Variants in CELF1 observed in about 807,000 individuals in gnomAD.
CELF1 encodes the protein CUGBP Elav-like family member 1, also known as 50 kDa nuclear polyadenylated RNA-binding protein.
Under a neutral mutation model 61.8 loss-of-function variants are expected in CELF1, and 10 were observed. The ratio of observed to expected loss-of-function variants is 0.16; its 90% CI spans 0.10 to 0.27. CELF1 has a LOEUF of 0.27. Among genes scored for constraint, CELF1 ranks in the 10% least tolerant of loss-of-function variants. CELF1 has a pLI of 1.00. For missense variants in CELF1, 380 were observed against 639.1 expected (o/e 0.59, Z 4.37); for synonymous variants, 236 against 225.1 (o/e 1.05, Z -0.43).
intron 2 of CELF1, among the ~76,000 whole-genome samples, chr11:47,560,092 G>A (rs568031728): frequency 9.2e-5 from 14 of 152,190 alleles, no homozygotes; most frequent in African/African-American, 3.4e-4. Flanking sequence ...TAGAGCTCAG[G>A]AGTTCAAGAG....
intron 1 of CELF1, among the ~76,000 whole-genome samples, chr11:47,529,958 C>T (rs1161128205): frequency 6.6e-6 from 1 of 152,130 alleles, no homozygotes; most frequent in Non-Finnish European, 1.5e-5. Context: ...ACAGCTATTG[C>T]CTTATGCCTC....
chr11:47,482,127 C>G (rs1226287015), intron 9 of CELF1, among the ~76,000 whole-genome samples: 2 of 151,902 alleles, frequency 1.3e-5, no homozygotes, highest in African/African-American at 2.4e-5. Context: ...CACTTGAACC[C>G]GAGGTGGAGG....
intron 1 of CELF1, among the ~76,000 whole-genome samples, chr11:47,508,765 C>CA (rs1003679601): frequency 7.9e-5 from 12 of 151,768 alleles, no homozygotes; most frequent in African/African-American, 2.9e-4. Flanking sequence ...ATGAATAGTC[C>CA]AATACACAAA....
chr11:47,496,358 T>C (rs2093091980), intron 3 of CELF1, among the ~76,000 whole-genome samples: 1 of 152,202 alleles, frequency 6.6e-6, no homozygotes, highest in Admixed American at 6.5e-5. Flanking sequence ...GGAGATCTTA[T>C]CTCTGCAATC....
chr11:47,538,459 C>T (rs903097078), intron 1 of CELF1, among the ~76,000 whole-genome samples: 1 of 151,876 alleles, frequency 6.6e-6, no homozygotes, highest in East Asian at 1.9e-4. Flanking sequence ...CTGGCCAACA[C>T]GGTGAAACCC....
At chr11:47,557,160 A>G (rs1415068720), upstream of CELF1, among the ~76,000 whole-genome samples, 1 of 151,820 alleles carries the variant, frequency 6.6e-6, no homozygotes, top group Non-Finnish European at 1.5e-5. Flanking sequence ...TCAGCCTCGC[A>G]AAGTGCCGGG....
At chr11:47,520,818 C>A in intron 1 of CELF1, among the ~76,000 whole-genome samples, 1 of 151,562 alleles carries the variant, frequency 6.6e-6, no homozygotes, top group Non-Finnish European at 1.5e-5. Context: ...TCCTGCGCTC[C>A]CCCCCGACCC....
rs768342947 is a variant in CELF1 at position 47,546,526 on chromosome 11, G to A, written c.-154+6466C>T. ...GATTACAGGTATGAGCCACCACGCC[G>A]GGCCAACTTTCTTCACACTAGAACA... On this transcript the variant is annotated intron_variant, in intron 1 of 14. Coordinates refer to ENST00000687097, the MANE Select transcript of CELF1 (RefSeq NM_001376376.1). Among the ~76,000 whole-genome samples the A allele has an allele frequency of 4.0e-4, 61 of 152,102 alleles. 1 individual carries two copies. Among genetic ancestry groups the A allele is most frequent in the Admixed American group, 1.2e-3 (18 of 15,254 alleles).
At chr11:47,541,824 AAGAAAG>A (rs2096810433) in intron 1 of CELF1, among the ~76,000 whole-genome samples, 1 of 149,710 alleles carries the variant, frequency 6.7e-6, no homozygotes, top group Non-Finnish European at 1.5e-5. Flanking sequence ...GAAAGAAAGA[AAGAAAG>A]AAAGAAAATG....
chr11:47,561,931 T>C (rs756831031), intron 2 of CELF1, among the ~76,000 whole-genome samples: 1 of 150,868 alleles, frequency 6.6e-6, no homozygotes, highest in Non-Finnish European at 1.5e-5. Flanking sequence ...TGATATCTAT[T>C]AAGAAAAAAA....
Position 47,487,137 on chromosome 11 carries a change from TTA to T in CELF1, c.342+20_342+21del. ...CATATCAAAGTTACCACATTTCCATTTACTAGTGGGAGCTTTCTTACCCCTGG... is the reference window on the plus strand; with the variant it reads ...CATATCAAAGTTACCACATTTCCATTCTAGTGGGAGCTTTCTTACCCCTGG... On this transcript the variant is annotated intron_variant, in intron 5 of 14. Transcript: ENST00000687097. The T allele has an allele frequency of 1.4e-5, 22 of 1,568,304 alleles. No homozygotes were observed. Among genetic ancestry groups the T allele is most frequent in the Non-Finnish European group, 1.9e-5 (22 of 1,144,104 alleles).
chr11:47,531,845 C>T (rs1253074744), intron 1 of CELF1, among the ~76,000 whole-genome samples: 1 of 152,174 alleles, frequency 6.6e-6, no homozygotes, highest in Non-Finnish European at 1.5e-5. Flanking sequence ...TCTCTTCCCT[C>T]CCACTTGTTA....
intron 1 of CELF1, among the ~76,000 whole-genome samples, chr11:47,552,148 A>C (rs533207746): frequency 6.6e-6 from 1 of 152,212 alleles, no homozygotes; most frequent in Non-Finnish European, 1.5e-5. Context: ...TAATAAACCT[A>C]CAGCTCTCTC....
chr11:47,539,241 C>T (rs187729121), intron 1 of CELF1, among the ~76,000 whole-genome samples: 92 of 152,186 alleles, frequency 6.0e-4, no homozygotes, highest in African/African-American at 2.2e-3. Flanking sequence ...AAAAAATAAA[C>T]TCATAATCTT....
intron 2 of CELF1, among the ~76,000 whole-genome samples, chr11:47,561,479 A>C (rs1452290224): frequency 2.0e-5 from 3 of 151,884 alleles, no homozygotes; most frequent in Non-Finnish European, 4.4e-5. Flanking sequence ...TATTCCACAA[A>C]GAGACACCAC....
At chr11:47,560,651 G>A (rs910620380) in intron 2 of CELF1, among the ~76,000 whole-genome samples, 1 of 152,086 alleles carries the variant, frequency 6.6e-6, no homozygotes, top group Non-Finnish European at 1.5e-5. Context: ...ATTAGATATT[G>A]GTGATAGTTG....
At chr11:47,542,496 ATTTTTTTT>A (rs112443041) in intron 1 of CELF1, among the ~76,000 whole-genome samples, 11 of 121,810 alleles carry the variant, frequency 9.0e-5, no homozygotes, top group Non-Finnish European at 1.6e-4. Context: ...TACTTTCTCC[ATTTTTTTT>A]TTTTTTTTTT....
chr11:47,472,397 A>T (rs1429580862), intron 14 of CELF1, 40 bp from the exon 15 acceptor site: 1 of 1,602,874 alleles, frequency 6.2e-7, no homozygotes, highest in Admixed American at 1.7e-5. Flanking sequence ...GGACATAATG[A>T]GGCAAGGAGA....
intron 3 of CELF1, among the ~76,000 whole-genome samples, chr11:47,497,135 T>C (rs1305541388): frequency 6.6e-6 from 1 of 152,148 alleles, no homozygotes; most frequent in African/African-American, 2.4e-5. Flanking sequence ...GAAGACAATA[T>C]GGGAATTACT....
Sources: gnomAD v4.1 joint callset for allele counts (sites outside exome capture counted in the v4.1 genomes callset) on GRCh38, gnomAD v4.1.1 for gene constraint, MANE v1.5 for transcripts, NCBI Gene and HGNC (gene_info 2026-07-23, HGNC 2026-07-21) for gene names.